Variants in HSD17B12 observed in about 807,000 individuals in gnomAD.
HSD17B12 encodes very-long-chain 3-oxoacyl-CoA reductase.
A neutral mutation model predicts 39.3 loss-of-function variants in HSD17B12; 32 were observed. That is an observed-to-expected ratio of 0.81 (90% CI 0.61 to 1.09). The LOEUF (loss-of-function observed/expected upper bound fraction) is 1.09. HSD17B12 is among the 50% of genes least tolerant of loss of function. The probability of loss-of-function intolerance (pLI) is 0.00; values close to 1 mark genes in which losing one functional copy is unlikely to be tolerated. For synonymous variants in HSD17B12, 150 were observed against 146.7 expected, an observed-to-expected ratio of 1.02 and a Z score of -0.16; for missense variants, 342 against 382.9, an observed-to-expected ratio of 0.89 and a Z score of 0.89.
chr11:43,735,050 A>G (rs1950304612), intron 1 of HSD17B12, among the ~76,000 whole-genome samples: 1 of 152,344 alleles, frequency 6.6e-6, no homozygotes, highest in East Asian at 1.9e-4. Flanking sequence ...TCTTTCATTA[A>G]GCATGATGTT....
At chr11:43,850,395 T>C (rs1163013351) in intron 9 of HSD17B12, among the ~76,000 whole-genome samples, 1 of 152,204 alleles carries the variant, frequency 6.6e-6, no homozygotes, top group African/African-American at 2.4e-5. Flanking sequence ...GAGTGTGTGC[T>C]GGCTACACGG....
intron 1 of HSD17B12, among the ~76,000 whole-genome samples, chr11:43,681,541 T>G (rs1949744395): frequency 6.6e-6 from 1 of 152,154 alleles, no homozygotes; most frequent in African/African-American, 2.4e-5. Flanking sequence ...TAATCGTATC[T>G]GGATTTGGCC....
the HSD17B12 span, among the ~76,000 whole-genome samples, chr11:43,646,972 C>T: frequency 2.8e-4 from 42 of 152,204 alleles, no homozygotes; most frequent in African/African-American, 9.4e-4. Context: ...CTTTTTGAAA[C>T]CCAGGGTTTG....
intron 1 of HSD17B12, among the ~76,000 whole-genome samples, chr11:43,682,885 G>T (rs141161745): frequency 7.9e-5 from 12 of 151,562 alleles, no homozygotes; most frequent in South Asian, 2.1e-4. Flanking sequence ...TCGAACTCTT[G>T]GGTTCAAGTG....
chr11:43,620,534 G>A, the HSD17B12 span, among the ~76,000 whole-genome samples: 1 of 152,170 alleles, frequency 6.6e-6, no homozygotes, highest in Non-Finnish European at 1.5e-5. Context: ...AATCACTTGA[G>A]AAAAGAGAAA....
chr11:43,750,948 T>A lies in HSD17B12; in HGVS notation c.198T>A (p.Tyr66Ter), dbSNP rs1177985125. Residue 66 changes from tyrosine (Y) to a stop codon, truncating the protein, a stop_gained, in exon 2 of 11, where the codon TAT becomes TAA. Coordinates refer to ENST00000278353, the MANE Select transcript of HSD17B12 (RefSeq NM_016142.3). LOFTEE classifies it high-confidence loss of function. The part of the protein sequence containing the change: ...TGSTDGIGKS[Y>*]AEELAKHGMK... ...GTACTGATGGAATTGGAAAATCATA[T>A]GCAGAAGAGGTAGGTGATTTTCAAG... The A allele has an allele frequency of 1.3e-6, 2 of 1,598,438 alleles. No homozygotes were observed. Among genetic ancestry groups the A allele is most frequent in the South Asian group, 2.2e-5 (2 of 89,020 alleles).
chr11:43,704,273 T>C (rs1014900774), intron 1 of HSD17B12, among the ~76,000 whole-genome samples: 5 of 152,256 alleles, frequency 3.3e-5, no homozygotes, highest in Admixed American at 1.3e-4. Flanking sequence ...ATGTAGTTGA[T>C]GTATACTTTC....
chr11:43,775,102 G>T (rs758448489), intron 3 of HSD17B12, among the ~76,000 whole-genome samples: 67 of 152,204 alleles, frequency 4.4e-4, no homozygotes, highest in Non-Finnish European at 7.1e-4. Context: ...TGTGGGGAGG[G>T]TTATGTGACG....
chr11:43,692,169 T>C (rs1294803752), intron 1 of HSD17B12, among the ~76,000 whole-genome samples: 1 of 152,262 alleles, frequency 6.6e-6, no homozygotes, highest in Non-Finnish European at 1.5e-5. Flanking sequence ...CATGAGTGAA[T>C]ACTTTTTTCC....
the HSD17B12 span, among the ~76,000 whole-genome samples, chr11:43,640,656 G>T: frequency 3.3e-5 from 5 of 151,758 alleles, no homozygotes; most frequent in African/African-American, 1.2e-4. Flanking sequence ...AATAGATAAG[G>T]CTAGTTAATT....
the HSD17B12 span, among the ~76,000 whole-genome samples, chr11:43,609,128 C>T: frequency 1.3e-5 from 2 of 151,300 alleles, no homozygotes; most frequent in African/African-American, 4.9e-5. Context: ...TTTGTTAGGA[C>T]CAATTTTCGT....
the HSD17B12 span, among the ~76,000 whole-genome samples, chr11:43,655,717 T>G: frequency 6.6e-6 from 1 of 152,170 alleles, no homozygotes; most frequent in East Asian, 1.9e-4. Flanking sequence ...TTATTGATTT[T>G]CGTATGTTGA....
chr11:43,687,022 A>G (rs1949806996), intron 1 of HSD17B12, among the ~76,000 whole-genome samples: 1 of 29,890 alleles, frequency 3.3e-5, no homozygotes, highest in Non-Finnish European at 1.3e-4. Flanking sequence ...AGTTTCAGAA[A>G]AATTTGTCAG....
At chr11:43,665,619 C>T in the HSD17B12 span, among the ~76,000 whole-genome samples, 1 of 151,986 alleles carries the variant, frequency 6.6e-6, no homozygotes, top group South Asian at 2.1e-4. Flanking sequence ...TGTCATCCTC[C>T]CTGAAAGGTA....
At chr11:43,562,438 T>C in the HSD17B12 span, among the ~76,000 whole-genome samples, 1 of 152,248 alleles carries the variant, frequency 6.6e-6, no homozygotes, top group Non-Finnish European at 1.5e-5. Flanking sequence ...CCTCAGTTTC[T>C]TGACATTTAA....
chr11:43,741,871 C>G (rs548019349), intron 1 of HSD17B12, among the ~76,000 whole-genome samples: 44 of 149,850 alleles, frequency 2.9e-4, no homozygotes, highest in South Asian at 2.1e-4. Flanking sequence ...GCAGCTGGGA[C>G]TACAGGCGCC....
chr11:43,708,437 A>G (rs1878767), intron 1 of HSD17B12, among the ~76,000 whole-genome samples: 46,261 of 151,992 alleles, frequency 0.3, 7,178 homozygotes, highest in Middle Eastern at 0.32. Context: ...CTTAGGACTT[A>G]TTAGGTTTAT....
At chr11:43,810,968 C>A (rs1408959708) in intron 4 of HSD17B12, among the ~76,000 whole-genome samples, 1 of 152,096 alleles carries the variant, frequency 6.6e-6, no homozygotes, top group African/African-American at 2.4e-5. Flanking sequence ...CAACATGTGC[C>A]ATTGTTTGGT....
chr11:43,558,356 C>T, the HSD17B12 span, among the ~76,000 whole-genome samples: 4 of 152,130 alleles, frequency 2.6e-5, no homozygotes, highest in East Asian at 5.8e-4. Flanking sequence ...TTATGTTTAA[C>T]GGGGAAAATC....
Sources: gnomAD v4.1 joint callset for allele counts (sites outside exome capture counted in the v4.1 genomes callset) on GRCh38, gnomAD v4.1.1 for gene constraint, MANE v1.5 for transcripts, NCBI Gene and HGNC (gene_info 2026-07-23, HGNC 2026-07-21) for gene names.